Variants in PLCB4 observed in about 807,000 individuals in gnomAD.
PLCB4 encodes the protein 1-phosphatidylinositol 4,5-bisphosphate phosphodiesterase beta-4.
In PLCB4, 77 loss-of-function variants were observed where a neutral mutation model predicts 178.8. That is an observed-to-expected ratio of 0.43 (90% CI 0.36 to 0.52). PLCB4 has a LOEUF of 0.52. PLCB4 is among the 20% of genes least tolerant of loss of function. The pLI is 0.00. For synonymous variants in PLCB4, 496 were observed against 490.8 expected, an observed-to-expected ratio of 1.01 and a Z score of -0.14; for missense variants, 1,024 against 1,453.4, an observed-to-expected ratio of 0.70 and a Z score of 4.80.
chr20:9,452,265 C>T (rs903524074), intron 32 of PLCB4, among the ~76,000 whole-genome samples: 4 of 152,024 alleles, frequency 2.6e-5, no homozygotes, highest in Admixed American at 6.6e-5. Context: ...TTTATGAAAC[C>T]GTTAAAAGAA....
At chr20:9,263,335 C>G (rs1008039705) in intron 3 of PLCB4, among the ~76,000 whole-genome samples, 1 of 152,156 alleles carries the variant, frequency 6.6e-6, no homozygotes, top group African/African-American at 2.4e-5. Flanking sequence ...CCTATGATAT[C>G]TTAGCAGGTC....
Position 9,362,990 on chromosome 20 carries a change from C to T in PLCB4, c.449+15C>T, listed in dbSNP as rs1277187019. ...CTCAAGAAACAGTGAGTGTTGTTTGCATTACTCGTTTTTCTTGGCAGTTAT... is the reference window on the plus strand; with the variant it reads ...CTCAAGAAACAGTGAGTGTTGTTTGTATTACTCGTTTTTCTTGGCAGTTAT... On this transcript the variant is annotated intron_variant, in intron 8 of 39. Coordinates refer to ENST00000378473, the MANE Select transcript of PLCB4 (RefSeq NM_001377142.1). 15 of 1,568,268 alleles carry T rather than the reference C, an allele frequency of 9.6e-6. No individual in the cohort carries two copies. The highest frequency in any genetic ancestry group is 1.3e-5 in the Non-Finnish European group (15 of 1,139,042).
chr20:9,245,890 C>A lies in PLCB4; in HGVS notation c.-16+28438C>A, dbSNP rs191936418. On this transcript the variant is annotated intron_variant, in intron 3 of 39. Transcript: ENST00000378473. ...CTCGTGATCCATCCGCCTCAGCCTC[C>A]CAAAGTGCTAGGATTACAGGTGTGA... 1.5e-3 allele frequency among the ~76,000 whole-genome samples: 227 copies of A among 152,134 alleles called. 1 individual carries two copies. Among genetic ancestry groups the A allele is most frequent in the African/African-American group, 5.2e-3 (214 of 41,484 alleles).
intron 2 of PLCB4, among the ~76,000 whole-genome samples, chr20:9,214,213 C>T (rs1489144898): frequency 1.3e-5 from 2 of 152,182 alleles, no homozygotes; most frequent in African/African-American, 2.4e-5. Flanking sequence ...CCCAAGATCA[C>T]AAAGATTTAC....
At chr20:9,202,242 AG>A (rs2093556244) in intron 2 of PLCB4, among the ~76,000 whole-genome samples, 2 of 152,160 alleles carry the variant, frequency 1.3e-5, no homozygotes, top group South Asian at 4.1e-4. Context: ...TGACTGTCAA[AG>A]GGGCAGCCTG....
At chr20:9,354,061 G>A (rs1038078636) in intron 7 of PLCB4, among the ~76,000 whole-genome samples, 1 of 152,194 alleles carries the variant, frequency 6.6e-6, no homozygotes, top group African/African-American at 2.4e-5. Context: ...GCTGCCTGAT[G>A]AGATCCTGGA....
chr20:9,351,932 T>G (rs977965036), intron 7 of PLCB4, among the ~76,000 whole-genome samples: 3 of 152,216 alleles, frequency 2.0e-5, no homozygotes. Flanking sequence ...GAAACAACTC[T>G]ATGAACACCT....
intron 2 of PLCB4, among the ~76,000 whole-genome samples, chr20:9,139,727 A>G (rs2092450288): frequency 6.6e-6 from 1 of 151,646 alleles, no homozygotes; most frequent in African/African-American, 2.4e-5. Flanking sequence ...TTTTTTGCAG[A>G]AGGCCCAACA....
At chr20:9,269,031 G>A (rs1407901110) in intron 3 of PLCB4, among the ~76,000 whole-genome samples, 1 of 152,160 alleles carries the variant, frequency 6.6e-6, no homozygotes, top group Non-Finnish European at 1.5e-5. Context: ...CTCCTTAAAG[G>A]TGCAGCAATG....
At chr20:9,329,804 C>T (rs1203540037) in intron 4 of PLCB4, among the ~76,000 whole-genome samples, 1 of 152,048 alleles carries the variant, frequency 6.6e-6, no homozygotes. Context: ...AGCTGAGAGG[C>T]CCAGTGTCCT....
chr20:9,250,260 G>C (rs1423737191), intron 3 of PLCB4, among the ~76,000 whole-genome samples: 1 of 152,212 alleles, frequency 6.6e-6, no homozygotes, highest in African/African-American at 2.4e-5. Context: ...ACTCTGTGAT[G>C]GATGCCCTGT....
At chr20:9,333,596 A>T (rs1269314174) in intron 4 of PLCB4, among the ~76,000 whole-genome samples, 3 of 152,184 alleles carry the variant, frequency 2.0e-5, no homozygotes, top group Admixed American at 6.6e-5. Context: ...TTTATCCTAA[A>T]TATGATAGGA....
chr20:9,242,459 G>T (rs1411428225), intron 3 of PLCB4, among the ~76,000 whole-genome samples: 1 of 152,248 alleles, frequency 6.6e-6, no homozygotes, highest in African/African-American at 2.4e-5. Context: ...TGACAAGCTT[G>T]CCTCAGGGTG....
At chr20:9,404,259 G>A (rs559114381) in intron 20 of PLCB4, among the ~76,000 whole-genome samples, 72 of 152,312 alleles carry the variant, frequency 4.7e-4, no homozygotes, top group Admixed American at 6.5e-4. Context: ...AGGAACACCT[G>A]ATTAGTGAAG....
At chr20:9,100,151 C>T (rs1163324655) in intron 2 of PLCB4, among the ~76,000 whole-genome samples, 1 of 152,120 alleles carries the variant, frequency 6.6e-6, no homozygotes, top group Non-Finnish European at 1.5e-5. Flanking sequence ...GGAATTCTGC[C>T]CATCACTGGT....
At chr20:9,255,894 A>G (rs1368633770) in intron 3 of PLCB4, among the ~76,000 whole-genome samples, 1 of 152,098 alleles carries the variant, frequency 6.6e-6, no homozygotes, top group Non-Finnish European at 1.5e-5. Flanking sequence ...GCCTAGACTA[A>G]AAGGTGATAC....
chr20:9,223,628 C>G (rs1432035852), intron 3 of PLCB4, among the ~76,000 whole-genome samples: 1 of 152,196 alleles, frequency 6.6e-6, no homozygotes, highest in Non-Finnish European at 1.5e-5. Flanking sequence ...CATAGCATGG[C>G]AGCTTCAGAG....
intron 1 of PLCB4, among the ~76,000 whole-genome samples, chr20:9,080,537 G>A (rs1869816345): frequency 1.3e-5 from 2 of 152,108 alleles, no homozygotes; most frequent in African/African-American, 4.8e-5. Context: ...TGAAGTCCTT[G>A]ATTCCAAGGG....
chr20:9,076,537 C>G (rs900033928), intron 1 of PLCB4, among the ~76,000 whole-genome samples: 6 of 152,156 alleles, frequency 3.9e-5, no homozygotes, highest in Non-Finnish European at 8.8e-5. Context: ...TATGGAGACA[C>G]AGAGGTTCTC....
Sources: allele counts gnomAD v4.1 joint callset (sites outside exome capture counted in the v4.1 genomes callset), GRCh38; gene constraint gnomAD v4.1.1; transcripts MANE v1.5; gene names NCBI Gene and HGNC (gene_info 2026-07-23, HGNC 2026-07-21).